The following CNTN3 variants were observed in gnomAD, a reference collection of about 807,000 sequenced individuals.
CNTN3 encodes contactin 3, also known as contactin-3.
Under a neutral mutation model 119.1 loss-of-function variants are expected in CNTN3, and 60 were observed. That is an observed-to-expected ratio of 0.50 (90% CI 0.41 to 0.62). The LOEUF is 0.62. Among genes scored for constraint, CNTN3 ranks in the 20% least tolerant of loss-of-function variants. The pLI, the probability that CNTN3 is intolerant of heterozygous loss-of-function variation, is 0.00. For synonymous variants in CNTN3, 450 were observed against 438.7 expected (o/e 1.03, Z -0.32); for missense variants, 1,101 against 1,242.4 (o/e 0.89, Z 1.71).
At chr3:74,476,037 A>G (rs1487811323) in intron 4 of CNTN3, among the ~76,000 whole-genome samples, 1 of 152,140 alleles carries the variant, frequency 6.6e-6, no homozygotes, top group African/African-American at 2.4e-5. Flanking sequence ...TAGTGTTTCC[A>G]TGTGAAAGAA....
intron 13 of CNTN3, among the ~76,000 whole-genome samples, chr3:74,306,256 G>C (rs1702562289): frequency 6.8e-6 from 1 of 147,302 alleles, no homozygotes; most frequent in African/African-American, 2.5e-5. Context: ...TAGTTGAAAT[G>C]GGATGAAATA....
At chr3:74,377,626 G>T (rs192538003) in intron 5 of CNTN3, among the ~76,000 whole-genome samples, 1 of 152,142 alleles carries the variant, frequency 6.6e-6, no homozygotes, top group African/African-American at 2.4e-5. Context: ...TATGCCAAAC[G>T]ATTTGGCCAG....
At chr3:74,518,231 C>G in intron 2 of CNTN3, among the ~76,000 whole-genome samples, 1 of 151,894 alleles carries the variant, frequency 6.6e-6, no homozygotes, top group South Asian at 2.1e-4. Context: ...GTTATAAGAA[C>G]AAAATACACC....
intron 4 of CNTN3, among the ~76,000 whole-genome samples, chr3:74,471,432 T>C (rs1702564787): frequency 6.6e-6 from 1 of 152,242 alleles, no homozygotes; most frequent in African/African-American, 2.4e-5. Context: ...AATCGATTTC[T>C]TCCTTAAAAA....
At chr3:74,317,421 T>G (rs1017321473) in intron 13 of CNTN3, among the ~76,000 whole-genome samples, 1 of 152,230 alleles carries the variant, frequency 6.6e-6, no homozygotes, top group Admixed American at 6.5e-5. Context: ...TGATGCAGTT[T>G]CTTCCTAGCC....
chr3:74,505,477 A>G (rs529666229), intron 2 of CNTN3, among the ~76,000 whole-genome samples: 3 of 149,764 alleles, frequency 2.0e-5, no homozygotes, highest in Non-Finnish European at 3.0e-5. Context: ...TGTGTATAAA[A>G]TATATATTTA....
At chr3:74,504,599 G>C (rs561554802) in intron 2 of CNTN3, among the ~76,000 whole-genome samples, 21 of 152,260 alleles carry the variant, frequency 1.4e-4, no homozygotes, top group African/African-American at 4.8e-4. Flanking sequence ...TTCGATCTTA[G>C]AATATTTCAT....
Position 74,336,586 on chromosome 3 carries a change from G to A in CNTN3, c.1437C>T (p.Cys479=). The A allele has an allele frequency of 6.2e-7, 1 of 1,612,622 alleles. No individual in the cohort carries two copies. Residue 479 remains cysteine (C), a synonymous_variant, in exon 12 of 23, where the codon TGC becomes TGT. Transcript: ENST00000263665. ...CTTTCCCAAACTGGTTTTCTGCCAT[G>A]CAGGTGTAAGTTCCAGCATCAGCTT... ...VTKADAGTYT[C]MAENQFGKAN... is the part of the protein sequence containing the mutation.
chr3:74,358,135 G>A (rs1310645061), intron 11 of CNTN3, among the ~76,000 whole-genome samples: 6 of 152,148 alleles, frequency 3.9e-5, no homozygotes, highest in East Asian at 3.9e-4. Flanking sequence ...GCCCTGGCTC[G>A]TCAGTGTTTT....
chr3:74,560,320 T>C (rs1267584423), intron 1 of CNTN3, among the ~76,000 whole-genome samples: 2 of 152,204 alleles, frequency 1.3e-5, no homozygotes, highest in African/African-American at 2.4e-5. Flanking sequence ...TCACTTATTA[T>C]GGATGTTGTT....
intron 4 of CNTN3, among the ~76,000 whole-genome samples, chr3:74,465,213 C>T (rs1002549597): frequency 2.0e-5 from 3 of 152,122 alleles, no homozygotes; most frequent in African/African-American, 7.2e-5. Flanking sequence ...AAGCTAACTT[C>T]CAAAATTATT....
In CNTN3 at chr3:74,499,661, G is replaced by T. The variant is rs1340095043; in HGVS notation, c.180C>A (p.Tyr60Ter). The change falls in exon 3 of 23, where the codon TAC becomes TAA. Residue 60 changes from tyrosine (Y) to a stop codon, truncating the protein, a stop_gained and splice_region_variant. Transcript: ENST00000263665. LOFTEE classifies it high-confidence loss of function. ...AATTTTCAAACTTTTCACTGTACCT[G>T]TAATGAGGTGATGGATTGCCTCTTG... ...CEARGNPSPH[Y>*]RWQLNGSDID... The T allele has an allele frequency of 6.2e-7, 1 of 1,607,656 alleles. No individual in the cohort carries two copies. Among genetic ancestry groups the T allele is most frequent in the Non-Finnish European group, 8.5e-7 (1 of 1,177,192 alleles).
At chr3:74,533,253 G>A (rs1026996888) in intron 1 of CNTN3, among the ~76,000 whole-genome samples, 17 of 152,002 alleles carry the variant, frequency 1.1e-4, no homozygotes, top group Admixed American at 2.0e-4. Context: ...AACCAACTGC[G>A]TACTACCACC....
chr3:74,351,873 T>C (rs1703824665), intron 11 of CNTN3, among the ~76,000 whole-genome samples: 1 of 152,246 alleles, frequency 6.6e-6, no homozygotes, highest in Non-Finnish European at 1.5e-5. Flanking sequence ...TCTCATAGAG[T>C]ATGGGAGTTA....
rs575396143 is a variant in CNTN3 at position 74,283,811 on chromosome 3, G to GT, written c.2704+1493dup. ...TTTAGTAAAGAGTTGTAAATACAGAGTTTTTTTGTATCTGTATTTCCAAAC... is the reference window on the plus strand; with the variant it reads ...TTTAGTAAAGAGTTGTAAATACAGAGTTTTTTTTGTATCTGTATTTCCAAAC... On this transcript the variant is annotated intron_variant, in intron 20 of 22. Transcript: ENST00000263665. Among the ~76,000 whole-genome samples, 338 of 152,190 alleles carry GT rather than the reference G, an allele frequency of 2.2e-3. 1 individual carries two copies. Among genetic ancestry groups the GT allele is most frequent in the African/African-American group, 7.6e-3 (314 of 41,556 alleles).
At position 74,356,325 on chromosome 3, in the gene CNTN3, G is replaced by A. The variant is rs80349491; in HGVS notation, c.1364+5565C>T. 2.6e-3 allele frequency among the ~76,000 whole-genome samples: 398 copies of A among 152,146 alleles called. 5 individuals are homozygous for A. Among genetic ancestry groups the A allele is most frequent in the African/African-American group, 9.3e-3 (385 of 41,468 alleles). ...TGAACTAAGGCAGTACCCAAACCATGACTGGCCTCTGTACCTTTGCACGTG... is the reference window on the plus strand; with the variant it reads ...TGAACTAAGGCAGTACCCAAACCATAACTGGCCTCTGTACCTTTGCACGTG... On this transcript the variant is annotated intron_variant, in intron 11 of 22. Transcript: ENST00000263665.
At chr3:74,410,264 A>C (rs571407105) in intron 5 of CNTN3, among the ~76,000 whole-genome samples, 1 of 152,118 alleles carries the variant, frequency 6.6e-6, no homozygotes, top group Non-Finnish European at 1.5e-5. Context: ...TGAATCTGAG[A>C]CTCAGAACCA....
chr3:74,536,912 G>T lies in CNTN3; in HGVS notation c.-80-15720C>A, dbSNP rs562506218. ...GCCAGAGGGGTGGTGGCACTGAGCT[G>T]CCAGGTGCCTACCCACTCACTAAAG... On this transcript the variant is annotated intron_variant, in intron 1 of 22. Transcript: ENST00000263665. Among the ~76,000 whole-genome samples the T allele has an allele frequency of 1.2e-4, 19 of 152,084 alleles. No individual in the cohort carries two copies. In the South Asian group the frequency reaches 3.5e-3, roughly 28 times the overall value.
intron 13 of CNTN3, 81 bp from the exon 14 acceptor site, chr3:74,302,888 C>A (rs1702487764): frequency 4.9e-6 from 4 of 818,718 alleles, no homozygotes; most frequent in South Asian, 1.7e-5. Context: ...CCAAAAACAA[C>A]AACATTGCAA....
Sources: allele counts gnomAD v4.1 joint callset (sites outside exome capture counted in the v4.1 genomes callset), GRCh38; gene constraint gnomAD v4.1.1; transcripts MANE v1.5; gene names NCBI Gene and HGNC (gene_info 2026-07-23, HGNC 2026-07-21).